SMAD6: variants seen among roughly 807,000 people sequenced by gnomAD.
The protein encoded by SMAD6 is MAD homolog 6.
Under a neutral mutation model 39.4 loss-of-function variants are expected in SMAD6, and 103 were observed. The ratio of observed to expected loss-of-function variants is 2.62; its 90% CI spans 2.23 to 3.08. The LOEUF (loss-of-function observed/expected upper bound fraction) is 3.08. Ranked by LOEUF, SMAD6 falls within the 30% of genes most tolerant of loss-of-function variation. The pLI is 0.00. For missense variants in SMAD6, 1,104 were observed against 742.9 expected, an observed-to-expected ratio of 1.49 and a Z score of -5.65; for synonymous variants, 445 against 353.3, an observed-to-expected ratio of 1.26 and a Z score of -2.91.
chr15:66,749,656 C>T (rs970340633), intron 3 of SMAD6, among the ~76,000 whole-genome samples: 3 of 152,030 alleles, frequency 2.0e-5, no homozygotes, highest in Admixed American at 2.0e-4. Flanking sequence ...TCCAGAGGGC[C>T]CTTGCAGGTC....
intron 3 of SMAD6, among the ~76,000 whole-genome samples, chr15:66,751,811 G>C (rs753803159): frequency 7.9e-5 from 12 of 152,216 alleles, no homozygotes; most frequent in Non-Finnish European, 1.6e-4. Flanking sequence ...GAGGGACTTT[G>C]GCGATCAGCC....
chr15:66,719,713 AGTCC>A (rs1314118466), intron 3 of SMAD6, among the ~76,000 whole-genome samples: 7 of 152,210 alleles, frequency 4.6e-5, no homozygotes, highest in African/African-American at 1.7e-4. Context: ...CTTGAGGCTT[AGTCC>A]CAGGCCCAGG....
chr15:66,731,395 G>A (rs1037136855), intron 3 of SMAD6, among the ~76,000 whole-genome samples: 6 of 141,312 alleles, frequency 4.2e-5, no homozygotes, highest in Admixed American at 3.0e-4. Context: ...CCGAGATCCC[G>A]CCACTGCACT....
chr15:66,742,510 G>C (rs1311903058), intron 3 of SMAD6, among the ~76,000 whole-genome samples: 1 of 152,074 alleles, frequency 6.6e-6, no homozygotes, highest in Non-Finnish European at 1.5e-5. Flanking sequence ...TCACCCTTGG[G>C]TCTCCCTGGC....
At chr15:66,751,650 GTGACTGGCCA>G (rs1347225580) in intron 3 of SMAD6, among the ~76,000 whole-genome samples, 1 of 152,240 alleles carries the variant, frequency 6.6e-6, no homozygotes, top group Non-Finnish European at 1.5e-5. Flanking sequence ...TGGGGAGGAG[GTGACTGGCCA>G]TGCTCTGGCT....
At position 66,767,959 on chromosome 15, in the gene SMAD6, C is replaced by CTTTT. The variant is rs71142337; in HGVS notation, c.953-13014_953-13011dup. 2.4e-3 allele frequency among the ~76,000 whole-genome samples: 144 copies of CTTTT among 60,284 alleles called. 25 individuals are homozygous for CTTTT. Among genetic ancestry groups the CTTTT allele is most frequent in the African/African-American group, 6.6e-3 (96 of 14,622 alleles). The allele number at this position is 60,284 out of a possible 152,430, so 39.5% of individuals were successfully genotyped here. A position where few individuals can be genotyped will look rare whatever the true frequency, so the allele number is the denominator to read the frequency against. Reference sequence around the variant, plus strand: ...TTGGAGTGATTATCCCAAGCTGCATCTTTTTTTTTTTTTTTTTTTTTTTTT... The same window carrying CTTTT: ...TTGGAGTGATTATCCCAAGCTGCATCTTTTTTTTTTTTTTTTTTTTTTTTTTTTT... On this transcript the variant is annotated intron_variant, in intron 3 of 3. Transcript: ENST00000288840.
At chr15:66,721,014 G>A (rs1275890575) in intron 3 of SMAD6, among the ~76,000 whole-genome samples, 1 of 152,194 alleles carries the variant, frequency 6.6e-6, no homozygotes, top group Non-Finnish European at 1.5e-5. Flanking sequence ...AGAGTTGGGG[G>A]CTGAGCTGGA....
At chr15:66,728,010 C>T (rs148591543) in intron 3 of SMAD6, among the ~76,000 whole-genome samples, 2,839 of 152,208 alleles carry the variant, frequency 0.019, 80 homozygotes, top group African/African-American at 0.063. Context: ...TGCACCACCA[C>T]GCCCAGCTAA....
intron 3 of SMAD6, among the ~76,000 whole-genome samples, chr15:66,775,420 A>T (rs1036905976): frequency 6.6e-6 from 1 of 152,034 alleles, no homozygotes; most frequent in Non-Finnish European, 1.5e-5. Flanking sequence ...GGTGGTTAGG[A>T]CTAGAGCTAC....
Position 66,747,417 on chromosome 15 carries a change from C to CTT in SMAD6, c.952+30920_952+30921insTT, listed in dbSNP as rs1331478625. On this transcript the variant is annotated intron_variant, in intron 3 of 3. Coordinates refer to ENST00000288840, the MANE Select transcript of SMAD6 (RefSeq NM_005585.5). The surrounding 1 kb of genome is among the most constrained non-coding windows in gnomAD (Gnocchi z 4.5). ...CCAGACTCTGCTTCCCCGTGGGGAACTAAGCCTGCTCCTCCCGGCTGGTCT... is the reference window on the plus strand; with the variant it reads ...CCAGACTCTGCTTCCCCGTGGGGAACTTTAAGCCTGCTCCTCCCGGCTGGTCT... Among the ~76,000 whole-genome samples the CTT allele has an allele frequency of 3.9e-5, 6 of 152,258 alleles. No individual in the cohort carries two copies.
At chr15:66,770,371 G>C (rs1409566057) in intron 3 of SMAD6, among the ~76,000 whole-genome samples, 1 of 152,104 alleles carries the variant, frequency 6.6e-6, no homozygotes, top group East Asian at 1.9e-4. Flanking sequence ...GCCGGTGCGG[G>C]CACTGGTTTA....
intron 3 of SMAD6, among the ~76,000 whole-genome samples, chr15:66,775,271 C>T (rs1470624212): frequency 6.6e-6 from 1 of 152,124 alleles, no homozygotes; most frequent in Non-Finnish European, 1.5e-5. Flanking sequence ...ATGGGATGCC[C>T]TTCAGATTCA....
At chr15:66,710,733 G>C (rs2140594894) in intron 1 of SMAD6, among the ~76,000 whole-genome samples, 1 of 152,280 alleles carries the variant, frequency 6.6e-6, no homozygotes, top group East Asian at 1.9e-4. Flanking sequence ...AGAAGCTAAG[G>C]AATTCTTCTG....
Position 66,747,110 on chromosome 15 carries a change from A to G in SMAD6, c.952+30612A>G, listed in dbSNP as rs961556903. Among the ~76,000 whole-genome samples, 2 of 152,260 alleles carry G rather than the reference A, an allele frequency of 1.3e-5. No individual in the cohort carries two copies. The highest frequency in any genetic ancestry group is 2.1e-4 in the South Asian group (1 of 4,838). On this transcript the variant is annotated intron_variant, in intron 3 of 3. Transcript: ENST00000288840. This position sits in a 1 kb window ranked among gnomAD's most constrained non-coding sequence, Gnocchi z 4.5. The stretch of plus-strand genomic sequence containing the variant: ...ATTTTCATTTTACAAAAATAATCCA[A>G]CTAATCTAATTGATCCAGTTGATCT...
intron 3 of SMAD6, among the ~76,000 whole-genome samples, chr15:66,770,836 T>C (rs1894367455): frequency 6.6e-6 from 1 of 152,148 alleles, no homozygotes; most frequent in Non-Finnish European, 1.5e-5. Context: ...GCTTGCCAGG[T>C]GGTCTTCTCC....
At chr15:66,736,196 G>T (rs1461869608) in intron 3 of SMAD6, among the ~76,000 whole-genome samples, 1 of 152,084 alleles carries the variant, frequency 6.6e-6, no homozygotes, top group African/African-American at 2.4e-5. Flanking sequence ...GTGTAGGGTT[G>T]CCAGATTTAG....
chr15:66,721,765 GATAAAAGTT>G (rs1178385349), intron 3 of SMAD6, among the ~76,000 whole-genome samples: 2 of 152,230 alleles, frequency 1.3e-5, no homozygotes, highest in African/African-American at 4.8e-5. Context: ...GGGGCACAGA[GATAAAAGTT>G]ACATTGTTTC....
chr15:66,771,120 G>C (rs1322841053), intron 3 of SMAD6, among the ~76,000 whole-genome samples: 1 of 152,150 alleles, frequency 6.6e-6, no homozygotes, highest in Non-Finnish European at 1.5e-5. Context: ...TGGCCAGACC[G>C]GTGAGCTGCA....
intron 3 of SMAD6, among the ~76,000 whole-genome samples, chr15:66,743,690 A>G (rs1893855800): frequency 6.6e-6 from 1 of 152,088 alleles, no homozygotes; most frequent in East Asian, 1.9e-4. Flanking sequence ...AAATAATTAT[A>G]TTATTCTTCT....
Sources: gnomAD v4.1 joint callset for allele counts (sites outside exome capture counted in the v4.1 genomes callset) on GRCh38, gnomAD v4.1.1 for gene constraint, Gnocchi (gnomAD v3.1) non-coding constraint, MANE v1.5 for transcripts, NCBI Gene and HGNC (gene_info 2026-07-23, HGNC 2026-07-21) for gene names.